Variants in CSMD2 observed in about 807,000 individuals in gnomAD.
The protein encoded by CSMD2 is CUB and Sushi multiple domains 2, also known as CUB and sushi domain-containing protein 2.
CSMD2 carries 130 observed loss-of-function variants against 398.5 expected under a neutral mutation model. The observed-to-expected ratio is 0.33, with a 90% CI of 0.28 to 0.38. The LOEUF (loss-of-function observed/expected upper bound fraction) is 0.38. Ranked by LOEUF, CSMD2 falls within the 10% of genes least tolerant of loss-of-function variation. CSMD2 has a pLI of 1.00. For missense variants in CSMD2, 3,829 were observed against 4,764.9 expected (o/e 0.80, Z 5.78); for synonymous variants, 1,828 against 1,908.5 (o/e 0.96, Z 1.10).
At chr1:33,653,448 G>A (rs1037929224) in intron 27 of CSMD2, among the ~76,000 whole-genome samples, 4 of 152,152 alleles carry the variant, frequency 2.6e-5, no homozygotes, top group Admixed American at 6.5e-5. Context: ...GCATCTGCTC[G>A]CGGCTGCAGA....
At chr1:34,081,442 TC>T (rs917717749) in intron 2 of CSMD2, among the ~76,000 whole-genome samples, 3 of 146,458 alleles carry the variant, frequency 2.0e-5, no homozygotes, top group African/African-American at 5.0e-5. Flanking sequence ...CTTCTTCGTC[TC>T]CCGCTTTCCA....
intron 3 of CSMD2, among the ~76,000 whole-genome samples, chr1:33,964,629 G>T (rs770828766): frequency 4.6e-5 from 7 of 152,114 alleles, no homozygotes; most frequent in Non-Finnish European, 1.0e-4. Flanking sequence ...TGAGGATGGG[G>T]ACCCCAAGCC....
intron 8 of CSMD2, 54 bp downstream of exon 8, chr1:33,820,415 C>A: frequency 2.4e-6 from 3 of 1,247,470 alleles, no homozygotes; most frequent in Middle Eastern, 1.9e-4. Context: ...GTCTTCCTCC[C>A]AGCCAGGCCA....
At chr1:33,651,924 TG>T (rs375591238) in intron 28 of CSMD2, among the ~76,000 whole-genome samples, 19 of 151,106 alleles carry the variant, frequency 1.3e-4, no homozygotes, top group South Asian at 4.2e-4. Flanking sequence ...GGAGCTAGAT[TG>T]GGGGGGGTGC....
chr1:34,084,237 C>G (rs1362351492), intron 2 of CSMD2, among the ~76,000 whole-genome samples: 1 of 152,174 alleles, frequency 6.6e-6, no homozygotes, highest in Non-Finnish European at 1.5e-5. Context: ...ACCACTTCTC[C>G]AGGTCATGGA....
chr1:33,816,426 G>T (rs920531286), intron 9 of CSMD2, among the ~76,000 whole-genome samples: 4 of 152,104 alleles, frequency 2.6e-5, no homozygotes, highest in Admixed American at 2.0e-4. Context: ...GGGGTACCAG[G>T]ACTCAAAGGC....
intron 9 of CSMD2, among the ~76,000 whole-genome samples, chr1:33,818,372 C>A (rs1015034042): frequency 6.6e-6 from 1 of 152,146 alleles, no homozygotes. Flanking sequence ...AAGTCCTTGC[C>A]CTATAGAGCT....
In CSMD2 at chr1:33,559,500, G is replaced by A. The variant is rs1230571432; in HGVS notation, c.8381-27C>T. 2.6e-6 allele frequency: 4 copies of A among 1,533,996 alleles called. No homozygotes were observed. The highest frequency in any genetic ancestry group is 2.6e-6 in the Non-Finnish European group (3 of 1,145,204). On this transcript the variant is annotated intron_variant, in intron 53 of 70. Coordinates refer to ENST00000373381, the MANE Select transcript of CSMD2 (RefSeq NM_001281956.2). This position sits in a 1 kb window ranked among gnomAD's most constrained non-coding sequence, Gnocchi z 4.0. Reference sequence around the variant, plus strand: ...TGTAACCAAAACAGAAGATAGGTAAGCCCTCCTACTATTCCACACCCCTCA... The same window carrying A: ...TGTAACCAAAACAGAAGATAGGTAAACCCTCCTACTATTCCACACCCCTCA...
intron 11 of CSMD2, among the ~76,000 whole-genome samples, chr1:33,790,124 AC>A (rs1161313580): frequency 6.6e-6 from 1 of 152,178 alleles, no homozygotes; most frequent in Non-Finnish European, 1.5e-5. Context: ...GAGCTGAGGC[AC>A]CATATGGGTC....
intron 5 of CSMD2, 49 bp from the exon 6 acceptor site, chr1:33,847,045 T>C (rs1179345107): frequency 7.7e-7 from 1 of 1,291,456 alleles, no homozygotes; most frequent in East Asian, 2.4e-5. Context: ...CTGAGTGGTA[T>C]AGGTGTATGA....
intron 50 of CSMD2, 94 bp downstream of exon 50, chr1:33,572,412 T>A: frequency 8.4e-6 from 9 of 1,070,030 alleles, no homozygotes; most frequent in Non-Finnish European, 1.0e-5. Context: ...TTTTTCCCCC[T>A]CATTACTTTG....
At chr1:33,833,404 A>G (rs1278405212) in intron 6 of CSMD2, among the ~76,000 whole-genome samples, 1 of 150,986 alleles carries the variant, frequency 6.6e-6, no homozygotes, top group Non-Finnish European at 1.5e-5. Context: ...CAAAAACCAC[A>G]TGATTATCTC....
chr1:33,617,053 G>A, intron 38 of CSMD2, 78 bp from the exon 39 acceptor site: 1 of 1,130,568 alleles, frequency 8.8e-7, no homozygotes. Flanking sequence ...CTGTACAGGG[G>A]TCTGGTTCAG....
At chr1:33,615,619 G>A (rs1334817789) in intron 39 of CSMD2, among the ~76,000 whole-genome samples, 3 of 152,234 alleles carry the variant, frequency 2.0e-5, no homozygotes, top group Non-Finnish European at 2.9e-5. Flanking sequence ...GTTGTTGTGA[G>A]GTCATATCAG....
chr1:34,140,284 C>T (rs558808729), intron 1 of CSMD2, among the ~76,000 whole-genome samples: 59 of 116,654 alleles, frequency 5.1e-4, no homozygotes, highest in Non-Finnish European at 3.7e-5. Context: ...ACAGAGGAAT[C>T]GGCATATGCA....
At chr1:33,989,013 C>CATAT (rs71029018) in intron 3 of CSMD2, among the ~76,000 whole-genome samples, 10 of 94,822 alleles carry the variant, frequency 1.1e-4, no homozygotes, top group African/African-American at 2.0e-4. Flanking sequence ...TCTCTCTCTC[C>CATAT]ATATATATAT....
intron 3 of CSMD2, among the ~76,000 whole-genome samples, chr1:34,026,681 G>C (rs558510735): frequency 1.3e-5 from 2 of 152,240 alleles, no homozygotes; most frequent in African/African-American, 2.4e-5. Flanking sequence ...CTTACCTGGC[G>C]ATCAGTCTGG....
At chr1:34,048,547 G>T (rs1308119639) in intron 2 of CSMD2, among the ~76,000 whole-genome samples, 1 of 152,210 alleles carries the variant, frequency 6.6e-6, no homozygotes, top group Non-Finnish European at 1.5e-5. Flanking sequence ...AGGAGCAGGT[G>T]GAGCCTCTGA....
At chr1:33,974,949 G>A (rs933637286) in intron 3 of CSMD2, among the ~76,000 whole-genome samples, 3 of 152,134 alleles carry the variant, frequency 2.0e-5, no homozygotes, top group Admixed American at 1.3e-4. Context: ...CTCTATGGAC[G>A]GAACAGCCAC....
Sources: allele counts gnomAD v4.1 joint callset (sites outside exome capture counted in the v4.1 genomes callset), GRCh38; gene constraint gnomAD v4.1.1; non-coding constraint Gnocchi (gnomAD v3.1); transcripts MANE v1.5; gene names NCBI Gene and HGNC (gene_info 2026-07-23, HGNC 2026-07-21).